Variants in PXK observed in about 807,000 individuals in gnomAD.
PXK encodes PX domain-containing protein kinase-like protein.
A neutral mutation model predicts 84.7 loss-of-function variants in PXK; 35 were observed. That is an observed-to-expected ratio of 0.41 (90% confidence interval 0.32 to 0.55). The LOEUF (loss-of-function observed/expected upper bound fraction) is 0.55, where lower values mean the gene tolerates loss of function less well. Ranked by LOEUF, PXK falls within the 20% of genes least tolerant of loss-of-function variation. The pLI is 0.21. For synonymous variants in PXK, 253 were observed against 260.8 expected, an observed-to-expected ratio of 0.97 and a Z score of 0.29; for missense variants, 634 against 699.7, an observed-to-expected ratio of 0.91 and a Z score of 1.06.
At chr3:58,404,533 T>G (rs1020088484) in intron 13 of PXK, among the ~76,000 whole-genome samples, 2 of 152,158 alleles carry the variant, frequency 1.3e-5, no homozygotes, top group African/African-American at 4.8e-5. Context: ...TGTACAAAAT[T>G]GCTCCCAGTT....
rs778058693 is a variant in PXK at position 58,391,761 on chromosome 3, C to T, written c.541-12C>T. On this transcript the variant is annotated splice_polypyrimidine_tract_variant and intron_variant, in intron 6 of 17. Coordinates refer to ENST00000356151, the MANE Select transcript of PXK (RefSeq NM_017771.5). ...CAAAACAGTACCCTGATATTCCCTT[C>T]CATGTTTTCAGGCTGACCTTGGCCC... 14 of 1,609,260 alleles carry T rather than the reference C, an allele frequency of 8.7e-6. No homozygotes were observed. The highest frequency in any genetic ancestry group is 1.2e-5 in the Non-Finnish European group (14 of 1,175,796).
Position 58,395,033 on chromosome 3 carries a change from T to G in PXK, c.651T>G (p.Ala217=), listed in dbSNP as rs1398016689. 2 of 1,613,632 alleles carry G rather than the reference T, an allele frequency of 1.2e-6. No homozygotes were observed. The highest frequency in any genetic ancestry group is 1.3e-5 in the African/African-American group (1 of 74,920). Reference sequence around the variant, plus strand: ...TCTATCGGGTTACCTTTGCCACAGCTAATGAATCCTCAGCGTTGCTAATTA... The same window carrying G: ...TCTATCGGGTTACCTTTGCCACAGCGAATGAATCCTCAGCGTTGCTAATTA... ...PYIYRVTFAT[A]NESSALLIRM... Residue 217 remains alanine, a synonymous_variant, in exon 8 of 18, where the codon GCT becomes GCG. Transcript: ENST00000356151.
intron 1 of PXK, among the ~76,000 whole-genome samples, chr3:58,342,331 G>A (rs2097751184): frequency 6.7e-6 from 1 of 149,606 alleles, no homozygotes; most frequent in African/African-American, 2.4e-5. Context: ...GGATCTTAGG[G>A]TAAGAATCAC....
At chr3:58,389,241 T>G (rs1576434782) in intron 4 of PXK, among the ~76,000 whole-genome samples, 1 of 152,182 alleles carries the variant, frequency 6.6e-6, no homozygotes, top group East Asian at 1.9e-4. Context: ...TACACTGGCT[T>G]TTATTTCTAG....
chr3:58,365,815 T>C, intron 1 of PXK, 59 bp from the exon 2 acceptor site: 1 of 1,331,382 alleles, frequency 7.5e-7, no homozygotes, highest in Non-Finnish European at 1.0e-6. Flanking sequence ...TTTGATTCCC[T>C]GCTTTGGGAA....
chr3:58,411,239 G>C lies in PXK; in HGVS notation c.1465+1080G>C, dbSNP rs2060156612. Among the ~76,000 whole-genome samples, 1 of 152,218 alleles carries C rather than the reference G, an allele frequency of 6.6e-6. No homozygotes were observed. The highest frequency in any genetic ancestry group is 2.4e-5 in the African/African-American group (1 of 41,462). On this transcript the variant is annotated intron_variant, in intron 16 of 17. Coordinates refer to ENST00000356151, the MANE Select transcript of PXK (RefSeq NM_017771.5). This position sits in a 1 kb window ranked among gnomAD's most constrained non-coding sequence, Gnocchi z 4.2. ...AGCCCAGAGGGCTGCATGAGCCACA[G>C]CTGGAGAATGCAAGTGGCATGACCA...
Position 58,412,831 on chromosome 3 carries a change from T to C in PXK, c.1466-70T>C. The C allele has an allele frequency of 6.6e-7, 1 of 1,509,432 alleles. No homozygotes were observed. Among genetic ancestry groups the C allele is most frequent in the Non-Finnish European group, 9.2e-7 (1 of 1,084,994 alleles). The allele number at this position is 1,509,432 out of a possible 1,614,324, so 93.5% of individuals were successfully genotyped here. On this transcript the variant is annotated intron_variant, in intron 16 of 17. Transcript: ENST00000356151. This position sits in a 1 kb window ranked among gnomAD's most constrained non-coding sequence, Gnocchi z 6.2. ...ATGTAGATTCTCAGACAGCAGTGGG[T>C]CCCAGCCTGGGCCAAATTCCAAATG... is the stretch of plus-strand genomic sequence containing the variant.
Position 58,370,846 on chromosome 3 carries a change from A to G in PXK, c.201+1368A>G. ...AAACCCTGTCTCTACTAAAAATACA[A>G]AAATTAGCTGGGTGTGGTGTGGGCG... On this transcript the variant is annotated intron_variant, in intron 3 of 17. Coordinates refer to ENST00000356151, the MANE Select transcript of PXK (RefSeq NM_017771.5). This position sits in a 1 kb window ranked among gnomAD's most constrained non-coding sequence, Gnocchi z 4.2. Among the ~76,000 whole-genome samples the G allele has an allele frequency of 6.6e-6, 1 of 151,282 alleles. No individual in the cohort carries two copies. Among genetic ancestry groups the G allele is most frequent in the East Asian group, 1.9e-4 (1 of 5,182 alleles).
intron 1 of PXK, among the ~76,000 whole-genome samples, chr3:58,336,795 T>C (rs2097623783): frequency 1.3e-5 from 2 of 152,092 alleles, no homozygotes; most frequent in African/African-American, 4.8e-5. Context: ...TGTGATAGCT[T>C]TTCATCTCAG....
In PXK at chr3:58,391,754, T is replaced by C. The variant is rs1294360128; in HGVS notation, c.541-19T>C. 6.2e-7 allele frequency: 1 copy of C among 1,603,640 alleles called. No individual in the cohort carries two copies. Among genetic ancestry groups the C allele is most frequent in the African/African-American group, 1.3e-5 (1 of 74,820 alleles). On this transcript the variant is annotated intron_variant, in intron 6 of 17. Coordinates refer to ENST00000356151, the MANE Select transcript of PXK (RefSeq NM_017771.5). ...TGGTGACCAAAACAGTACCCTGATA[T>C]TCCCTTCCATGTTTTCAGGCTGACC...
chr3:58,355,237 T>C (rs572404078), intron 1 of PXK, among the ~76,000 whole-genome samples: 70 of 152,210 alleles, frequency 4.6e-4, no homozygotes, highest in African/African-American at 1.6e-3. Flanking sequence ...TCTTTTCAAG[T>C]TCTCTAGGTG....
chr3:58,418,682 AG>A (rs2061364487), intron 17 of PXK, among the ~76,000 whole-genome samples: 2 of 152,356 alleles, frequency 1.3e-5, no homozygotes, highest in African/African-American at 4.8e-5. Context: ...TAAGCGGTAA[AG>A]CACTATCAGG....
intron 1 of PXK, among the ~76,000 whole-genome samples, chr3:58,363,255 T>A (rs904990416): frequency 7.2e-5 from 11 of 152,234 alleles, no homozygotes; most frequent in African/African-American, 2.7e-4. Context: ...ATTTCTAATT[T>A]ATACCTATAT....
chr3:58,396,148 A>C (rs1025626398), intron 9 of PXK, among the ~76,000 whole-genome samples: 12 of 152,162 alleles, frequency 7.9e-5, no homozygotes, highest in Non-Finnish European at 1.8e-4. Flanking sequence ...ATCACCCTCT[A>C]GATCAGGATT....
rs1576565449 is a variant in PXK at position 58,399,466 on chromosome 3, AT to A, written c.1181+91del. The stretch of plus-strand genomic sequence containing the variant: ...CCAAGCACCTGGTACTGTAGTAAAG[AT>A]TCTTGCGGTCCCTGCAGAGTTGGCG... On this transcript the variant is annotated intron_variant, in intron 12 of 17. Coordinates refer to ENST00000356151, the MANE Select transcript of PXK (RefSeq NM_017771.5). This position sits in a 1 kb window ranked among gnomAD's most constrained non-coding sequence, Gnocchi z 4.3. 2.2e-6 allele frequency: 3 copies of A among 1,368,362 alleles called. No homozygotes were observed. The African/African-American group carries it at 4.3e-5, about 20-fold the overall frequency. 84.8% of individuals were successfully genotyped at this position (1,368,362 alleles called of 1,614,324 possible).
intron 17 of PXK, among the ~76,000 whole-genome samples, chr3:58,415,660 C>T (rs1282265565): frequency 1.3e-5 from 2 of 152,200 alleles, no homozygotes; most frequent in Non-Finnish European, 1.5e-5. Flanking sequence ...TTGGTCTGCT[C>T]ACCCAGTGCA....
At position 58,399,434 on chromosome 3, in the gene PXK, A is replaced by G; in HGVS notation, c.1181+57A>G. 6.6e-7 allele frequency: 1 copy of G among 1,517,872 alleles called. No homozygotes were observed. The highest frequency in any genetic ancestry group is 9.1e-7 in the Non-Finnish European group (1 of 1,097,094). The allele number at this position is 1,517,872 out of a possible 1,614,324, so 94.0% of individuals were successfully genotyped here. On this transcript the variant is annotated intron_variant, in intron 12 of 17. Transcript: ENST00000356151. This position sits in a 1 kb window ranked among gnomAD's most constrained non-coding sequence, Gnocchi z 4.3. ...TGATAACTATGTTGAACACCAGACCACTGTGTCCAAGCACCTGGTACTGTA... is the reference window on the plus strand; with the variant it reads ...TGATAACTATGTTGAACACCAGACCGCTGTGTCCAAGCACCTGGTACTGTA...
Position 58,399,246 on chromosome 3 carries a change from T to A in PXK, c.1103-53T>A. 1 of 1,512,898 alleles carries A rather than the reference T, an allele frequency of 6.6e-7. No homozygotes were observed. Among genetic ancestry groups the A allele is most frequent in the Non-Finnish European group, 9.2e-7 (1 of 1,088,348 alleles). The allele number at this position is 1,512,898 out of a possible 1,614,324, so 93.7% of individuals were successfully genotyped here. On this transcript the variant is annotated intron_variant, in intron 11 of 17. Coordinates refer to ENST00000356151, the MANE Select transcript of PXK (RefSeq NM_017771.5). This position sits in a 1 kb window ranked among gnomAD's most constrained non-coding sequence, Gnocchi z 4.3. ...TGGTGTTAAACTTTTCATCAGCAAG[T>A]GGATTTGCCAGCGTGTTCTGTGGAA...
At chr3:58,405,998 T>G (rs2059348053) in intron 13 of PXK, among the ~76,000 whole-genome samples, 1 of 152,100 alleles carries the variant, frequency 6.6e-6, no homozygotes. Flanking sequence ...AGACGGAGTC[T>G]CGCTCTTGTC....
Sources: allele counts gnomAD v4.1 joint callset (sites outside exome capture counted in the v4.1 genomes callset), GRCh38; gene constraint gnomAD v4.1.1; non-coding constraint Gnocchi (gnomAD v3.1); transcripts MANE v1.5; gene names NCBI Gene and HGNC (gene_info 2026-07-23, HGNC 2026-07-21).